The following PCCA variants were observed in gnomAD, a reference collection of about 807,000 sequenced individuals.
PCCA encodes the protein propionyl-CoA carboxylase subunit alpha.
Under a neutral mutation model 101.3 loss-of-function variants are expected in PCCA, and 74 were observed. The ratio of observed to expected loss-of-function variants is 0.73; its 90% CI spans 0.61 to 0.89. PCCA has a LOEUF of 0.89. Among genes scored for constraint, PCCA ranks in the 40% least tolerant of loss-of-function variants. PCCA has a pLI of 0.00. For synonymous variants in PCCA, 294 were observed against 313.6 expected (o/e 0.94, Z 0.66); for missense variants, 891 against 907.0 (o/e 0.98, Z 0.23).
chr13:100,490,754 G>A (rs1026525237), intron 21 of PCCA: 2 of 152,244 alleles, frequency 1.3e-5, no homozygotes, highest in African/African-American at 2.4e-5. Context: ...GGCAAGCGCT[G>A]TCAATGTTTG....
intron 7 of PCCA, among the ~76,000 whole-genome samples, chr13:100,227,104 T>C (rs2060187749): frequency 6.6e-6 from 1 of 152,024 alleles, no homozygotes. Context: ...CCTGAGTAGC[T>C]GGGATTGCAG....
At chr13:100,127,973 C>T (rs1214546619) in intron 4 of PCCA, among the ~76,000 whole-genome samples, 2 of 152,184 alleles carry the variant, frequency 1.3e-5, no homozygotes, top group Non-Finnish European at 2.9e-5. Flanking sequence ...CATGACTTAA[C>T]TCATTTTTAC....
chr13:100,455,520 A>G (rs28750247), intron 21 of PCCA, among the ~76,000 whole-genome samples: 16,003 of 152,118 alleles, frequency 0.11, 1,419 homozygotes, highest in African/African-American at 0.24. Context: ...TGAGACTCGT[A>G]TGTTGCATGG....
intron 19 of PCCA, among the ~76,000 whole-genome samples, chr13:100,386,715 G>A (rs114262244): frequency 0.01 from 1,571 of 152,268 alleles, 32 homozygotes; most frequent in African/African-American, 0.035. Context: ...AGAGGCAAAC[G>A]ACATTCATTG....
chr13:100,242,359 T>A (rs535917442), intron 8 of PCCA, among the ~76,000 whole-genome samples: 51 of 152,310 alleles, frequency 3.3e-4, no homozygotes, highest in African/African-American at 1.2e-3. Flanking sequence ...CAAATGTATA[T>A]GCACCAGGAA....
At chr13:100,441,989 C>CTTTTTTTTTTTTTTT (rs776208311) in intron 20 of PCCA, among the ~76,000 whole-genome samples, 5 of 128,528 alleles carry the variant, frequency 3.9e-5, no homozygotes, top group Admixed American at 8.6e-5. Context: ...TTCCTTTTTT[C>CTTTTTTTTTTTTTTT]TTTTTTTTTT....
At chr13:100,488,748 G>T (rs1460636906) in intron 21 of PCCA, among the ~76,000 whole-genome samples, 1 of 151,668 alleles carries the variant, frequency 6.6e-6, no homozygotes, top group Non-Finnish European at 1.5e-5. Context: ...TGAGCCTGCA[G>T]TGAGCTAGGA....
chr13:100,322,210 A>C (rs1347446931), intron 16 of PCCA, among the ~76,000 whole-genome samples: 1 of 152,196 alleles, frequency 6.6e-6, no homozygotes, highest in Non-Finnish European at 1.5e-5. Flanking sequence ...AGTTTCTGCC[A>C]TGTCAGGAAA....
chr13:100,155,455 T>A lies in PCCA; in HGVS notation c.414+363T>A, dbSNP rs1033808844. On this transcript the variant is annotated intron_variant, in intron 5 of 23. Coordinates refer to ENST00000376285, the MANE Select transcript of PCCA (RefSeq NM_000282.4). ...TGTGTTATAAACAGGATCCAAAGAC[T>A]GTGTTCAAATTCCATTTTAATAATT... Among the ~76,000 whole-genome samples the A allele has an allele frequency of 2.6e-5, 4 of 152,350 alleles. No homozygotes were observed. The South Asian group carries it at 8.3e-4, about 32-fold the overall frequency.
intron 22 of PCCA, among the ~76,000 whole-genome samples, chr13:100,517,046 C>CGTGTGTGTGTGTGTGTGTGT (rs3840814): frequency 1.5e-5 from 2 of 132,988 alleles, no homozygotes; most frequent in African/African-American, 2.9e-5. Context: ...ATTATAAAAT[C>CGTGTGTGTGTGTGTGTGTGT]GTGTGTGTGT....
At chr13:100,312,312 GT>G (rs2066983942) in intron 16 of PCCA, among the ~76,000 whole-genome samples, 1 of 152,168 alleles carries the variant, frequency 6.6e-6, no homozygotes, top group African/African-American at 2.4e-5. Flanking sequence ...GCCTCTCTTG[GT>G]CCTTTGAAAG....
At chr13:100,442,286 G>A (rs1462406078) in intron 20 of PCCA, among the ~76,000 whole-genome samples, 1 of 152,088 alleles carries the variant, frequency 6.6e-6, no homozygotes, top group Non-Finnish European at 1.5e-5. Context: ...GAGCCACCAC[G>A]CCTGGCCTGT....
chr13:100,095,233 A>G (rs2046661969), intron 1 of PCCA, among the ~76,000 whole-genome samples: 1 of 152,156 alleles, frequency 6.6e-6, no homozygotes, highest in African/African-American at 2.4e-5. Context: ...TAGGGCCATG[A>G]CAAGATCTAG....
At chr13:100,348,728 CTTT>C (rs2072660863) in intron 18 of PCCA, among the ~76,000 whole-genome samples, 9 of 65,228 alleles carry the variant, frequency 1.4e-4, no homozygotes, top group African/African-American at 6.3e-4. Context: ...GTTTTTTTTC[CTTT>C]CTTTCTTTCT....
intron 20 of PCCA, among the ~76,000 whole-genome samples, chr13:100,440,150 A>T (rs1181593416): frequency 1.6e-5 from 2 of 127,776 alleles, no homozygotes; most frequent in Non-Finnish European, 3.3e-5. Flanking sequence ...TGACTAGAGT[A>T]TTAAATTATA....
At chr13:100,115,288 G>A (rs546498002) in intron 4 of PCCA, among the ~76,000 whole-genome samples, 19 of 152,218 alleles carry the variant, frequency 1.2e-4, no homozygotes, top group Admixed American at 2.6e-4. Flanking sequence ...TGTATGGAGC[G>A]GGAGGGGTGG....
chr13:100,520,634 C>CAAAAAA (rs374566196), intron 22 of PCCA, among the ~76,000 whole-genome samples: 3 of 68,242 alleles, frequency 4.4e-5, no homozygotes, highest in East Asian at 4.6e-4. Context: ...GACTCCGTCT[C>CAAAAAA]AAAAAAAAAA....
intron 23 of PCCA, among the ~76,000 whole-genome samples, chr13:100,528,272 A>T (rs895419135): frequency 6.6e-6 from 1 of 152,180 alleles, no homozygotes; most frequent in Non-Finnish European, 1.5e-5. Flanking sequence ...ACTTAAGTGT[A>T]TTTTTTTCTT....
intron 21 of PCCA, among the ~76,000 whole-genome samples, chr13:100,459,891 C>G (rs987012090): frequency 1.2e-4 from 18 of 152,210 alleles, no homozygotes; most frequent in African/African-American, 4.1e-4. Context: ...TCTCCCGTAG[C>G]AGAGAGAGAG....
Sources: gnomAD v4.1 joint callset for allele counts (sites outside exome capture counted in the v4.1 genomes callset) on GRCh38, gnomAD v4.1.1 for gene constraint, MANE v1.5 for transcripts, NCBI Gene and HGNC (gene_info 2026-07-23, HGNC 2026-07-21) for gene names.